The following PCDHGA8 variants were observed in gnomAD, a reference collection of about 807,000 sequenced individuals.
PCDHGA8 encodes the protein protocadherin gamma-A8.
A neutral mutation model predicts 59.2 loss-of-function variants in PCDHGA8; 45 were observed. The ratio of observed to expected loss-of-function variants is 0.76; its 90% CI spans 0.60 to 0.98. The LOEUF is 0.98. Among genes scored for constraint, PCDHGA8 ranks in the 50% least tolerant of loss-of-function variants. PCDHGA8 has a pLI of 0.00. For missense variants in PCDHGA8, 1,257 were observed against 1,196.2 expected, an observed-to-expected ratio of 1.05 and a Z score of -0.75; for synonymous variants, 531 against 519.0, an observed-to-expected ratio of 1.02 and a Z score of -0.32.
intron 1 of PCDHGA8, chr5:141,403,017 T>C: frequency 6.2e-7 from 1 of 1,614,064 alleles, no homozygotes; most frequent in South Asian, 1.1e-5. Context: ...CTCCTGGGGA[T>C]GCTATGGGAG....
intron 1 of PCDHGA8, among the ~76,000 whole-genome samples, chr5:141,466,443 C>T (rs906096545): frequency 6.6e-6 from 1 of 152,186 alleles, no homozygotes; most frequent in African/African-American, 2.4e-5. Context: ...ACCGAGATGT[C>T]TATGGTGTTG....
intron 1 of PCDHGA8, chr5:141,441,114 T>A (rs1239606502): frequency 6.6e-6 from 1 of 152,218 alleles, no homozygotes; most frequent in Non-Finnish European, 1.5e-5. Context: ...TTGTCCAGTG[T>A]ACAGTTGAGA....
intron 1 of PCDHGA8, among the ~76,000 whole-genome samples, chr5:141,460,183 CCA>C (rs561755067): frequency 7.2e-5 from 11 of 151,782 alleles, no homozygotes; most frequent in Non-Finnish European, 1.0e-4. Context: ...ATATTTTATC[CCA>C]GACTATGACT....
chr5:141,418,348 T>G (rs2096249125), intron 1 of PCDHGA8: 1 of 1,613,982 alleles, frequency 6.2e-7, no homozygotes, highest in African/African-American at 1.3e-5. Flanking sequence ...CTGATATTAG[T>G]ATGAATTCGC....
At chr5:141,422,009 G>C (rs1483710075) in intron 1 of PCDHGA8, 1 of 1,609,752 alleles carries the variant, frequency 6.2e-7, no homozygotes, top group Non-Finnish European at 8.5e-7. Flanking sequence ...TCCGGAACTC[G>C]GGTGCTGATG....
intron 1 of PCDHGA8, chr5:141,417,798 C>G (rs2096163233): frequency 6.7e-7 from 1 of 1,486,352 alleles, no homozygotes; most frequent in African/African-American, 1.4e-5. Flanking sequence ...GCTCTTTTAG[C>G]GCGGTAGAGT....
intron 1 of PCDHGA8, among the ~76,000 whole-genome samples, chr5:141,446,182 G>A (rs1411996595): frequency 6.6e-6 from 1 of 152,118 alleles, no homozygotes; most frequent in African/African-American, 2.4e-5. Flanking sequence ...GGGGTGTTTT[G>A]TTTATTATTA....
chr5:141,422,431 T>G, intron 1 of PCDHGA8: 1 of 1,608,846 alleles, frequency 6.2e-7, no homozygotes, highest in Non-Finnish European at 8.5e-7. Flanking sequence ...TTATGGAAAT[T>G]ATTACAAATT....
intron 1 of PCDHGA8, among the ~76,000 whole-genome samples, chr5:141,484,544 A>G (rs1160398392): frequency 6.6e-6 from 1 of 152,144 alleles, no homozygotes; most frequent in Non-Finnish European, 1.5e-5. Flanking sequence ...CAGTGGTTCT[A>G]ATTAGCAGTT....
intron 1 of PCDHGA8, chr5:141,409,041 A>T: frequency 6.2e-7 from 1 of 1,613,982 alleles, no homozygotes; most frequent in Non-Finnish European, 8.5e-7. Flanking sequence ...ATAAACTACT[A>T]CTTCCGAAGC....
rs111842066 is a variant in PCDHGA8, at chr5:141,486,269, G to A, written c.2425-8538G>A. 6.2e-7 allele frequency: 1 copy of A among 1,613,996 alleles called. No homozygotes were observed. Reference sequence around the variant, plus strand: ...AACCCTCCCCGAGAGTGCAGAACCTGGCACTGTGGTGGCACTTATCAGTGT... The same window carrying A: ...AACCCTCCCCGAGAGTGCAGAACCTAGCACTGTGGTGGCACTTATCAGTGT... On this transcript the variant is annotated intron_variant, in intron 1 of 3. Transcript: ENST00000398604. This position sits in a 1 kb window ranked among gnomAD's most constrained non-coding sequence, Gnocchi z 5.0.
At chr5:141,426,916 A>T (rs1227752756) in intron 1 of PCDHGA8, 2 of 456,618 alleles carry the variant, frequency 4.4e-6, no homozygotes, top group Non-Finnish European at 4.4e-6. Context: ...CTGGTCCTGG[A>T]AGCAATGGAC....
chr5:141,452,449 T>G (rs1482580788), intron 1 of PCDHGA8, among the ~76,000 whole-genome samples: 1 of 152,224 alleles, frequency 6.6e-6, no homozygotes, highest in South Asian at 2.1e-4. Flanking sequence ...TTCTAGGCCT[T>G]GTCAGCAGAC....
intron 1 of PCDHGA8, among the ~76,000 whole-genome samples, chr5:141,443,866 T>C (rs1017854695): frequency 6.6e-6 from 1 of 151,986 alleles, no homozygotes; most frequent in Non-Finnish European, 1.5e-5. Context: ...ACTGAAAAAA[T>C]TACTGATAAG....
At chr5:141,419,259 C>T (rs765877993) in intron 1 of PCDHGA8, 2 of 1,613,900 alleles carry the variant, frequency 1.2e-6, no homozygotes, top group South Asian at 2.2e-5. Flanking sequence ...AACAACCAGC[C>T]GGGTGCCTCC....
intron 1 of PCDHGA8, chr5:141,415,585 C>T: frequency 6.2e-7 from 1 of 1,613,900 alleles, no homozygotes; most frequent in Non-Finnish European, 8.5e-7. Context: ...TTCGAAGTTT[C>T]CTATAGAGGA....
chr5:141,413,588 A>G, intron 1 of PCDHGA8: 1 of 1,613,922 alleles, frequency 6.2e-7, no homozygotes, highest in Non-Finnish European at 8.5e-7. Context: ...CCAAAATTCC[A>G]AGCAGAAAAT....
At chr5:141,494,363 T>C (rs1264801258) in intron 1 of PCDHGA8, among the ~76,000 whole-genome samples, 1 of 152,206 alleles carries the variant, frequency 6.6e-6, no homozygotes, top group Non-Finnish European at 1.5e-5. Context: ...CTGCAGAGGA[T>C]GCTTTGTTCC....
chr5:141,475,708 C>G (rs2099367415), intron 1 of PCDHGA8, among the ~76,000 whole-genome samples: 1 of 152,238 alleles, frequency 6.6e-6, no homozygotes, highest in African/African-American at 2.4e-5. Flanking sequence ...AACGGCTAGC[C>G]TCACAGCCCC....
Sources: allele counts gnomAD v4.1 joint callset (sites outside exome capture counted in the v4.1 genomes callset), GRCh38; gene constraint gnomAD v4.1.1; non-coding constraint Gnocchi (gnomAD v3.1); transcripts MANE v1.5; gene names NCBI Gene and HGNC (gene_info 2026-07-23, HGNC 2026-07-21).